PSD3: variants seen among roughly 807,000 people sequenced by gnomAD.
PSD3 encodes PH and SEC7 domain-containing protein 3.
Under a neutral mutation model 105.5 loss-of-function variants are expected in PSD3, and 49 were observed. The ratio of observed to expected loss-of-function variants is 0.46; its 90% CI spans 0.37 to 0.59. PSD3 has a LOEUF of 0.59. PSD3 is among the 20% of genes least tolerant of loss of function. The pLI is 0.00. For synonymous variants in PSD3, 557 were observed against 457.8 expected (o/e 1.22, Z -2.77); for missense variants, 1,561 against 1,263.8 (o/e 1.24, Z -3.57).
At chr8:19,018,152 C>T (rs906588018), upstream of PSD3, among the ~76,000 whole-genome samples, 3 of 152,080 alleles carry the variant, frequency 2.0e-5, no homozygotes, top group African/African-American at 4.8e-5. Context: ...GAATAGATAG[C>T]CCAGTCTTTT....
chr8:18,662,696 C>G (rs1809446153), intron 9 of PSD3, among the ~76,000 whole-genome samples: 1 of 152,158 alleles, frequency 6.6e-6, no homozygotes, highest in African/African-American at 2.4e-5. Flanking sequence ...TACAATTCAG[C>G]TTGAGAAAGA....
rs1827365610 is a variant in PSD3 at position 19,021,630 on chromosome 8, A to G, written c.324+62576T>C. Among the ~76,000 whole-genome samples the G allele has an allele frequency of 2.0e-5, 3 of 151,892 alleles. No individual in the cohort carries two copies. The South Asian group carries it at 6.2e-4, about 32-fold the overall frequency. Reference sequence around the variant, plus strand: ...CTAATGAAATCCATGTAAGTATCATAACCAGGATTTTGAATAAGTTCCATT... The same window carrying G: ...CTAATGAAATCCATGTAAGTATCATGACCAGGATTTTGAATAAGTTCCATT... On this transcript the variant is annotated intron_variant, in intron 1 of 1. Coordinates refer to the PSD3 transcript ENST00000521475.
intron 1 of PSD3, among the ~76,000 whole-genome samples, chr8:18,959,368 A>G (rs1823769367): frequency 6.6e-6 from 1 of 152,172 alleles, no homozygotes; most frequent in Non-Finnish European, 1.5e-5. Flanking sequence ...TGGGGAATCC[A>G]TTCTCCAGCA....
chr8:18,981,330 G>T (rs777675003), intron 1 of PSD3, among the ~76,000 whole-genome samples: 8 of 152,158 alleles, frequency 5.3e-5, no homozygotes, highest in Non-Finnish European at 1.0e-4. Flanking sequence ...ACTCATTATT[G>T]AAGCAGAAAG....
chr8:18,697,292 G>C (rs1277041145), intron 9 of PSD3, among the ~76,000 whole-genome samples: 2 of 152,100 alleles, frequency 1.3e-5, no homozygotes, highest in Non-Finnish European at 2.9e-5. Context: ...GGAGAGGGTA[G>C]GAAACAACGG....
chr8:18,606,646 T>C (rs940298596), intron 11 of PSD3, among the ~76,000 whole-genome samples: 9 of 152,048 alleles, frequency 5.9e-5, no homozygotes, highest in African/African-American at 2.2e-4. Context: ...ATGCAGGAGA[T>C]ATTGCAGAGT....
chr8:18,556,239 G>A lies in PSD3; in HGVS notation c.2898C>T (p.Tyr966=), dbSNP rs763876885. Residue 966 remains tyrosine, a synonymous_variant, in exon 15 of 16, where the codon TAC becomes TAT. Coordinates refer to ENST00000327040, the MANE Select transcript of PSD3 (RefSeq NM_015310.4). ...KKVKAKDVDE[Y]KLKDHYLEFE... ...ACTCCAGATAGTGGTCTTTCAGTTT[G>A]TACTCATCGACGTCCTTGGCTTTGA... The A allele has an allele frequency of 8.7e-6, 14 of 1,613,972 alleles. No homozygotes were observed. Among genetic ancestry groups the A allele is most frequent in the African/African-American group, 1.3e-5 (1 of 74,918 alleles).
intron 1 of PSD3, among the ~76,000 whole-genome samples, chr8:18,990,547 C>T (rs1376604605): frequency 3.3e-5 from 5 of 152,208 alleles, no homozygotes; most frequent in African/African-American, 1.2e-4. Context: ...TAACAGAACA[C>T]CTTTTTTCTT....
intron 9 of PSD3, among the ~76,000 whole-genome samples, chr8:18,693,148 C>A (rs1353787014): frequency 6.6e-6 from 1 of 152,194 alleles, no homozygotes; most frequent in African/African-American, 2.4e-5. Flanking sequence ...ACACATTTCC[C>A]CCAACTGCTG....
chr8:18,715,882 G>A (rs527239946), intron 9 of PSD3, among the ~76,000 whole-genome samples: 2 of 152,202 alleles, frequency 1.3e-5, no homozygotes, highest in African/African-American at 4.8e-5. Flanking sequence ...ATTGTTCTAG[G>A]TAGAGACAGA....
chr8:18,896,787 C>T (rs984596209), intron 2 of PSD3, among the ~76,000 whole-genome samples: 6 of 151,656 alleles, frequency 4.0e-5, no homozygotes, highest in African/African-American at 1.5e-4. Context: ...ATCCCACTAG[C>T]ATTTTTTTAT....
chr8:18,649,530 C>G (rs984171674), intron 10 of PSD3, among the ~76,000 whole-genome samples: 4 of 152,120 alleles, frequency 2.6e-5, no homozygotes, highest in Admixed American at 6.5e-5. Flanking sequence ...GCACAAGGGA[C>G]TAGGCTTGTC....
Position 18,536,836 on chromosome 8 carries a change from T to C in PSD3, c.2929-878A>G, listed in dbSNP as rs181491931. Reference sequence around the variant, plus strand: ...CAAATTAGAGAAGGGTCTCAGATTCTTAATTTGACACATTCTGGTAAAGTA... The same window carrying C: ...CAAATTAGAGAAGGGTCTCAGATTCCTAATTTGACACATTCTGGTAAAGTA... On this transcript the variant is annotated intron_variant, in intron 15 of 15. Coordinates refer to ENST00000327040, the MANE Select transcript of PSD3 (RefSeq NM_015310.4). Among the ~76,000 whole-genome samples, 5 of 152,316 alleles carry C rather than the reference T, an allele frequency of 3.3e-5. No individual in the cohort carries two copies. In the East Asian group the frequency reaches 9.7e-4, roughly 29 times the overall value.
intron 8 of PSD3, among the ~76,000 whole-genome samples, chr8:18,773,647 A>G (rs1436895071): frequency 6.6e-6 from 1 of 152,186 alleles, no homozygotes; most frequent in Non-Finnish European, 1.5e-5. Flanking sequence ...ATTATTCTGC[A>G]GCATGGTTTG....
intron 1 of PSD3, chr8:18,939,981 G>A (rs979044005): frequency 3.3e-5 from 5 of 152,156 alleles, no homozygotes; most frequent in African/African-American, 1.2e-4. Context: ...GAGTGTGTGT[G>A]CTGAGTCATG....
intron 15 of PSD3, among the ~76,000 whole-genome samples, chr8:18,541,717 G>C (rs1327635348): frequency 1.3e-5 from 2 of 151,634 alleles, no homozygotes; most frequent in African/African-American, 2.4e-5. Flanking sequence ...TTACACTTTT[G>C]AGGTTCATAA....
intron 14 of PSD3, among the ~76,000 whole-genome samples, chr8:18,563,749 G>A (rs1216165896): frequency 6.6e-6 from 1 of 152,120 alleles, no homozygotes; most frequent in East Asian, 1.9e-4. Context: ...AAAAGTATGG[G>A]TAACAATTAA....
At chr8:18,667,913 G>GGGTAA (rs1799571541) in intron 9 of PSD3, among the ~76,000 whole-genome samples, 1 of 152,244 alleles carries the variant, frequency 6.6e-6, no homozygotes, top group African/African-American at 2.4e-5. Context: ...ACCCTCCACA[G>GGGTAA]CTGCTGGCCC....
upstream of PSD3, among the ~76,000 whole-genome samples, chr8:19,015,978 A>C (rs2114493): frequency 2.0e-5 from 3 of 152,254 alleles, no homozygotes; most frequent in Non-Finnish European, 4.4e-5. Context: ...AATCAAAGAT[A>C]AAATGGTTAG....
Sources: allele counts gnomAD v4.1 joint callset (sites outside exome capture counted in the v4.1 genomes callset), GRCh38; gene constraint gnomAD v4.1.1; transcripts MANE v1.5; gene names NCBI Gene and HGNC (gene_info 2026-07-23, HGNC 2026-07-21).